The following TPO variants were observed in gnomAD, a reference collection of about 807,000 sequenced individuals.
The protein encoded by TPO is thyroid peroxidase.
In TPO, 78 loss-of-function variants were observed where a neutral mutation model predicts 96.9. That is an observed-to-expected ratio of 0.81 (90% CI 0.67 to 0.97). The LOEUF (loss-of-function observed/expected upper bound fraction) is 0.97, where lower values mean the gene tolerates loss of function less well. Ranked by LOEUF, TPO falls within the 50% of genes least tolerant of loss-of-function variation. The probability of loss-of-function intolerance (pLI) is 0.00; values close to 1 mark genes in which losing one functional copy is unlikely to be tolerated. For missense variants in TPO, 1,252 were observed against 1,274.8 expected (o/e 0.98, Z 0.27); for synonymous variants, 547 against 538.0 (o/e 1.02, Z -0.23).
intron 5 of TPO, among the ~76,000 whole-genome samples, chr2:1,451,797 T>A (rs28909396): frequency 0.38 from 58,055 of 152,048 alleles, 11,235 homozygotes; most frequent in South Asian, 0.48. Flanking sequence ...CCACAAAAAA[T>A]TTCTATTTTT....
intron 3 of TPO, among the ~76,000 whole-genome samples, chr2:1,426,131 G>A (rs1664358519): frequency 7.0e-6 from 1 of 143,210 alleles, no homozygotes; most frequent in Non-Finnish European, 1.5e-5. Flanking sequence ...TGCTCCTTCT[G>A]TAAAGTCATT....
At chr2:1,492,231 G>A (rs1408869728) in intron 10 of TPO, among the ~76,000 whole-genome samples, 5 of 151,994 alleles carry the variant, frequency 3.3e-5, no homozygotes, top group Admixed American at 6.6e-5. Flanking sequence ...CTCGGCTCAC[G>A]GCAACCTCCG....
At chr2:1,455,393 G>A (rs531160955) in intron 6 of TPO, among the ~76,000 whole-genome samples, 16 of 152,200 alleles carry the variant, frequency 1.1e-4, no homozygotes, top group Admixed American at 1.0e-3. Flanking sequence ...CCCATCCCAT[G>A]ACGGCACCAA....
chr2:1,514,884 C>A (rs532970549), intron 14 of TPO, among the ~76,000 whole-genome samples: 1 of 152,200 alleles, frequency 6.6e-6, no homozygotes, highest in Admixed American at 6.5e-5. Context: ...TACGTCCCTG[C>A]TGTGGGTCTG....
At chr2:1,539,063 C>G (rs757134050) in intron 15 of TPO, among the ~76,000 whole-genome samples, 3 of 152,068 alleles carry the variant, frequency 2.0e-5, no homozygotes, top group Non-Finnish European at 4.4e-5. Flanking sequence ...ATAGACTCAC[C>G]CTAACTAATT....
intron 14 of TPO, 66 bp from the exon 15 acceptor site, chr2:1,516,813 TCAGG>T (rs1324003999): frequency 1.4e-6 from 2 of 1,451,546 alleles, no homozygotes; most frequent in African/African-American, 2.8e-5. Flanking sequence ...TGGCCCAGAC[TCAGG>T]CAGGACAACC....
chr2:1,420,817 C>T (rs977646130), intron 2 of TPO, among the ~76,000 whole-genome samples: 3 of 152,018 alleles, frequency 2.0e-5, no homozygotes, highest in Admixed American at 6.5e-5. Flanking sequence ...AGACTGACAA[C>T]GGCCAGGCAG....
chr2:1,542,539 C>T lies in TPO; in HGVS notation c.*65C>T, dbSNP rs780035583. On this transcript the variant is annotated 3_prime_UTR_variant, in exon 17 of 17. Transcript: ENST00000329066. ...CCAAAATCACCGTACGACTCTTTTC[C>T]AAACACAGGCAAATCCGAAATCAGC... The T allele has an allele frequency of 1.1e-5, 17 of 1,606,014 alleles. 1 individual carries two copies. In the South Asian group the frequency reaches 1.9e-4, roughly 18 times the overall value.
At chr2:1,396,663 C>G (rs12329329) in intron 1 of TPO, among the ~76,000 whole-genome samples, 1 of 152,044 alleles carries the variant, frequency 6.6e-6, no homozygotes, top group Admixed American at 6.6e-5. Flanking sequence ...CACGGGGAGA[C>G]AGTCTCATCC....
At chr2:1,408,983 G>A (rs534540841), upstream of TPO, among the ~76,000 whole-genome samples, 1 of 152,182 alleles carries the variant, frequency 6.6e-6, no homozygotes, top group African/African-American at 2.4e-5. Flanking sequence ...CGATGGCATG[G>A]GTCCCTGGTC....
In TPO at chr2:1,516,162, G is replaced by A. The variant is rs1366191381; in HGVS notation, c.2519-721G>A. On this transcript the variant is annotated intron_variant, in intron 14 of 16. Transcript: ENST00000329066. ...CAGATGAAGACACAGGTCCAGGTGG[G>A]AGGCACTTCCTCAGGCCCCTCACCA... Among the ~76,000 whole-genome samples, 6 of 152,254 alleles carry A rather than the reference G, an allele frequency of 3.9e-5. No homozygotes were observed. The East Asian group carries it at 7.8e-4, about 20-fold the overall frequency.
At chr2:1,386,394 G>A (rs556771493) in intron 1 of TPO, among the ~76,000 whole-genome samples, 46 of 152,282 alleles carry the variant, frequency 3.0e-4, no homozygotes, top group Middle Eastern at 3.4e-3. Flanking sequence ...GAATCTGGGC[G>A]ATCCTGTATT....
intron 6 of TPO, among the ~76,000 whole-genome samples, chr2:1,454,524 CT>C (rs1667611035): frequency 6.6e-6 from 1 of 152,110 alleles, no homozygotes; most frequent in African/African-American, 2.4e-5. Context: ...GTAAGAGGAC[CT>C]GGTATTCCCA....
chr2:1,489,264 AC>A (rs757503299), intron 10 of TPO, among the ~76,000 whole-genome samples: 16 of 124,968 alleles, frequency 1.3e-4, no homozygotes, highest in Non-Finnish European at 2.5e-4. Context: ...CCCAGCACAC[AC>A]CCACACATGC....
At chr2:1,519,628 C>T (rs1209099637) in intron 15 of TPO, among the ~76,000 whole-genome samples, 3 of 152,048 alleles carry the variant, frequency 2.0e-5, no homozygotes, top group Admixed American at 1.3e-4. Flanking sequence ...ATAATTAAAA[C>T]CCTCAGCTAA....
At chr2:1,533,415 C>A (rs1239776276) in intron 15 of TPO, among the ~76,000 whole-genome samples, 20 of 119,648 alleles carry the variant, frequency 1.7e-4, no homozygotes, top group African/African-American at 6.0e-4. Flanking sequence ...CTCCTCAAAT[C>A]CCCCCAAATG....
intron 1 of TPO, among the ~76,000 whole-genome samples, chr2:1,392,649 G>A (rs767771129): frequency 2.6e-5 from 4 of 151,936 alleles, no homozygotes; most frequent in African/African-American, 4.8e-5. Context: ...TGGTTGGTAG[G>A]CTATTATTAC....
In TPO at chr2:1,493,861, A is replaced by G. The variant is rs766861578; in HGVS notation, c.1828A>G (p.Ser610Gly). ...LPRLETPADL[S>G]TAIASRSVAD... is the part of the protein sequence containing the mutation. Reference sequence around the variant, plus strand: ...TCGCCTGGAGACCCCCGCTGACCTGAGCACAGCCATCGCCAGCAGGAGCGT... The same window carrying G: ...TCGCCTGGAGACCCCCGCTGACCTGGGCACAGCCATCGCCAGCAGGAGCGT... Residue 610 changes from serine (S) to glycine (G), a missense_variant, in exon 11 of 17, where the codon AGC becomes GGC. Transcript: ENST00000329066. 1.9e-6 allele frequency: 3 copies of G among 1,614,164 alleles called. No homozygotes were observed. The highest frequency in any genetic ancestry group is 1.3e-5 in the African/African-American group (1 of 75,070).
chr2:1,430,450 C>G (rs965556839), intron 3 of TPO, among the ~76,000 whole-genome samples: 1 of 152,268 alleles, frequency 6.6e-6, no homozygotes, highest in Non-Finnish European at 1.5e-5. Flanking sequence ...CAGAATGACT[C>G]TACTAGGGCC....
Sources: allele counts gnomAD v4.1 joint callset (sites outside exome capture counted in the v4.1 genomes callset), GRCh38; gene constraint gnomAD v4.1.1; transcripts MANE v1.5; gene names NCBI Gene and HGNC (gene_info 2026-07-23, HGNC 2026-07-21).